The following ADARB2 variants were observed in gnomAD, a reference collection of about 807,000 sequenced individuals.
ADARB2 encodes the protein adenosine deaminase RNA specific B2 (inactive).
ADARB2 carries 25 observed loss-of-function variants against 62.2 expected under a neutral mutation model. That is an observed-to-expected ratio of 0.40 (90% CI 0.29 to 0.56). The LOEUF is 0.56. ADARB2 is among the 20% of genes least tolerant of loss of function. The probability of loss-of-function intolerance (pLI) is 0.43; values close to 1 mark genes in which losing one functional copy is unlikely to be tolerated. For synonymous variants in ADARB2, 572 were observed against 500.8 expected, an observed-to-expected ratio of 1.14 and a Z score of -1.90; for missense variants, 1,071 against 1,077.4, an observed-to-expected ratio of 0.99 and a Z score of 0.08.
At chr10:1,420,677 G>A (rs550452995) in intron 1 of ADARB2, among the ~76,000 whole-genome samples, 44 of 151,340 alleles carry the variant, frequency 2.9e-4, no homozygotes, top group African/African-American at 1.1e-3. Flanking sequence ...GAGCGAGTGA[G>A]CACAGCGCTG....
rs1337624884 is a variant in ADARB2, at chr10:1,737,414, G to A, written c.-264C>T. ...GGTCAGGGAGGGCGGGGAAGGGCGC[G>A]CGGCGTCCTGAGTGCTCCGAGCTTC... On this transcript the variant is annotated 5_prime_UTR_variant, in exon 1 of 10. Transcript: ENST00000381312. 11 of 466,412 alleles carry A rather than the reference G, an allele frequency of 2.4e-5. No individual in the cohort carries two copies. The highest frequency in any genetic ancestry group is 3.5e-5 in the Non-Finnish European group (9 of 258,194). 28.9% of individuals were successfully genotyped at this position (466,412 alleles called of 1,614,324 possible). A position where few individuals can be genotyped will look rare whatever the true frequency, so the allele number is the denominator to read the frequency against.
intron 3 of ADARB2, among the ~76,000 whole-genome samples, chr10:1,314,233 C>T (rs1321801041): frequency 2.0e-5 from 3 of 152,180 alleles, no homozygotes; most frequent in African/African-American, 7.2e-5. Flanking sequence ...ACACCTGCTC[C>T]CCAGCAGAGC....
At chr10:1,617,665 C>T (rs111664237) in intron 1 of ADARB2, among the ~76,000 whole-genome samples, 5 of 137,048 alleles carry the variant, frequency 3.6e-5, no homozygotes, top group African/African-American at 5.4e-5. Context: ...TTTGTGTGCC[C>T]GTCCAGACAC....
chr10:1,716,873 C>T (rs911187631), intron 1 of ADARB2, among the ~76,000 whole-genome samples: 7 of 152,216 alleles, frequency 4.6e-5, no homozygotes, highest in South Asian at 2.1e-4. Flanking sequence ...ACAAAATAAC[C>T]GTAAAGTTTA....
chr10:1,399,532 T>G (rs2820591), intron 1 of ADARB2, among the ~76,000 whole-genome samples: 1 of 152,016 alleles, frequency 6.6e-6, no homozygotes, highest in Non-Finnish European at 1.5e-5. Context: ...GTCCCCGGCC[T>G]GGTGCCTGGG....
At chr10:1,574,364 G>A (rs1345969379) in intron 1 of ADARB2, among the ~76,000 whole-genome samples, 1 of 152,248 alleles carries the variant, frequency 6.6e-6, no homozygotes, top group African/African-American at 2.4e-5. Context: ...AGGGGACATG[G>A]CGAAAGGTGG....
chr10:1,621,213 G>T (rs1833700229), intron 1 of ADARB2, among the ~76,000 whole-genome samples: 1 of 152,152 alleles, frequency 6.6e-6, no homozygotes, highest in South Asian at 2.1e-4. Context: ...CATCTATGTA[G>T]AAAATCTGAT....
rs11812224 is a variant in ADARB2, at chr10:1,493,539, T to C, written c.101-114379A>G. Among the ~76,000 whole-genome samples the C allele has an allele frequency of 6.5e-3, 989 of 152,238 alleles. 11 individuals carry two copies. The highest frequency in any genetic ancestry group is 0.022 in the African/African-American group (921 of 41,542). ...AAAGTGCAAGTTCACACTTGATTCA[T>C]GGTCCTCTTGCTGATCTCTCCGAAC... On this transcript the variant is annotated intron_variant, in intron 1 of 9. Coordinates refer to ENST00000381312, the MANE Select transcript of ADARB2 (RefSeq NM_018702.4).
chr10:1,206,330 C>T (rs143011681), intron 7 of ADARB2, among the ~76,000 whole-genome samples: 5 of 152,150 alleles, frequency 3.3e-5, no homozygotes, highest in African/African-American at 4.8e-5. Flanking sequence ...CTGGGACATG[C>T]GGCGTCTCCT....
intron 1 of ADARB2, among the ~76,000 whole-genome samples, chr10:1,490,889 C>T (rs560247258): frequency 6.6e-5 from 10 of 152,262 alleles, no homozygotes; most frequent in South Asian, 2.1e-4. Flanking sequence ...CTACATACGT[C>T]AGCAGATAGG....
At chr10:1,679,283 G>T (rs1834506584) in intron 1 of ADARB2, among the ~76,000 whole-genome samples, 1 of 152,052 alleles carries the variant, frequency 6.6e-6, no homozygotes, top group South Asian at 2.1e-4. Context: ...ACTTTTCCGA[G>T]TGTCCTGGTT....
At chr10:1,277,957 C>G (rs578102986) in intron 3 of ADARB2, among the ~76,000 whole-genome samples, 174 of 80,312 alleles carry the variant, frequency 2.2e-3, no homozygotes, top group African/African-American at 5.2e-3. Context: ...TCCTTCCCCT[C>G]TTTCTCTCTC....
chr10:1,327,831 A>ACAGTTCAGCATCT (rs1831887206), intron 3 of ADARB2, among the ~76,000 whole-genome samples: 1 of 44,384 alleles, frequency 2.3e-5, no homozygotes, highest in Non-Finnish European at 5.1e-5. Flanking sequence ...ACAGCTCAGC[A>ACAGTTCAGCATCT]CCTCACAGCT....
chr10:1,252,278 G>C (rs1021477826), intron 4 of ADARB2, among the ~76,000 whole-genome samples: 1 of 152,186 alleles, frequency 6.6e-6, no homozygotes, highest in African/African-American at 2.4e-5. Flanking sequence ...AGAAGATATA[G>C]AGAGAAAGGA....
intron 3 of ADARB2, among the ~76,000 whole-genome samples, chr10:1,300,940 G>C (rs1182490820): frequency 6.6e-6 from 1 of 152,228 alleles, no homozygotes; most frequent in Non-Finnish European, 1.5e-5. Context: ...TGTCAGGGTT[G>C]TGACATGCTT....
At chr10:1,562,336 G>T (rs890296255) in intron 1 of ADARB2, among the ~76,000 whole-genome samples, 25 of 152,266 alleles carry the variant, frequency 1.6e-4, no homozygotes, top group Admixed American at 3.3e-4. Flanking sequence ...TTTCTTTCTG[G>T]CAGGGTCAAA....
chr10:1,497,993 C>A (rs991637692), intron 1 of ADARB2, among the ~76,000 whole-genome samples: 2 of 152,014 alleles, frequency 1.3e-5, no homozygotes, highest in African/African-American at 4.8e-5. Context: ...ATAAAAAAAT[C>A]TCATTAAATC....
chr10:1,388,400 A>G (rs1832541768), intron 1 of ADARB2, among the ~76,000 whole-genome samples: 1 of 152,186 alleles, frequency 6.6e-6, no homozygotes, highest in Admixed American at 6.5e-5. Flanking sequence ...GCCAGAAAAT[A>G]AAAGTCATAG....
At chr10:1,637,206 AT>A (rs1242270534) in intron 1 of ADARB2, among the ~76,000 whole-genome samples, 1 of 151,908 alleles carries the variant, frequency 6.6e-6, no homozygotes. Flanking sequence ...CTAACATCAG[AT>A]ACTTGGCAGT....
Sources: gnomAD v4.1 joint callset for allele counts (sites outside exome capture counted in the v4.1 genomes callset) on GRCh38, gnomAD v4.1.1 for gene constraint, MANE v1.5 for transcripts, NCBI Gene and HGNC (gene_info 2026-07-23, HGNC 2026-07-21) for gene names.